The following GRN variants were observed in gnomAD, a reference collection of about 807,000 sequenced individuals.
GRN encodes the protein progranulin.
Under a neutral mutation model 66.7 loss-of-function variants are expected in GRN, and 30 were observed. The ratio of observed to expected loss-of-function variants is 0.45; its 90% CI spans 0.34 to 0.61. The LOEUF is 0.61. Among genes scored for constraint, GRN ranks in the 20% least tolerant of loss-of-function variants. The pLI is 0.01. For synonymous variants in GRN, 327 were observed against 311.1 expected (o/e 1.05, Z -0.54); for missense variants, 731 against 803.5 (o/e 0.91, Z 1.09).
intron 1 of GRN, among the ~76,000 whole-genome samples, chr17:44,347,035 T>C (rs1463487456): frequency 4.6e-5 from 7 of 151,792 alleles, no homozygotes; most frequent in Non-Finnish European, 8.8e-5. Flanking sequence ...GAGAATTGCT[T>C]GAACCTGGGA....
chr17:44,349,858 C>T, intron 4 of GRN, 107 bp downstream of exon 4: 2 of 764,136 alleles, frequency 2.6e-6, no homozygotes, highest in Non-Finnish European at 4.6e-6. Context: ...CTTGTGCCCT[C>T]ATTCATGTGG....
Position 44,350,547 on chromosome 17 carries a change from A to C in GRN, c.568A>C (p.Lys190Gln), listed in dbSNP as rs768727709. The C allele has an allele frequency of 1.5e-5, 25 of 1,613,890 alleles. No individual in the cohort carries two copies. Among genetic ancestry groups the C allele is most frequent in the Non-Finnish European group, 1.8e-5 (21 of 1,179,940 alleles). Residue 190 changes from lysine to glutamine, a missense_variant, in exon 6 of 13, where the codon AAG (lysine) becomes CAG (glutamine). Physicochemically the swap from Lys to Gln is moderately conservative, Grantham distance 53 (BLOSUM62 1). Transcript: ENST00000053867. ...CACGGGCACCCACCCCCTGGCAAAG[A>C]AGCTCCCTGCCCAGAGGACTAACAG... The part of the protein sequence containing the change: ...TPTGTHPLAK[K>Q]LPAQRTNRAV...
chr17:44,348,003 A>G (rs1423130227), intron 1 of GRN, among the ~76,000 whole-genome samples: 1 of 151,892 alleles, frequency 6.6e-6, no homozygotes, highest in African/African-American at 2.4e-5. Context: ...TAGGAGGCCA[A>G]GGTTGGAGGA....
chr17:44,349,314 T>C lies in GRN; in HGVS notation c.138+12T>C. The C allele has an allele frequency of 1.9e-6, 3 of 1,613,940 alleles. No individual in the cohort carries two copies. The highest frequency in any genetic ancestry group is 2.5e-6 in the Non-Finnish European group (3 of 1,179,998). On this transcript the variant is annotated intron_variant, in intron 2 of 12. Transcript: ENST00000053867. ...GCCGTCCCCTTCTGGTGAGTGCCCCTCAGCCTAGGCAAGAGCTGGCAGCCT... is the reference window on the plus strand; with the variant it reads ...GCCGTCCCCTTCTGGTGAGTGCCCCCCAGCCTAGGCAAGAGCTGGCAGCCT...
intron 1 of GRN, among the ~76,000 whole-genome samples, chr17:44,348,162 C>T (rs1235453086): frequency 2.6e-5 from 4 of 152,178 alleles, no homozygotes; most frequent in African/African-American, 9.7e-5. Context: ...TTGTAACTGG[C>T]TCCCAAGAGG....
At position 44,352,471 on chromosome 17, in the gene GRN, G is replaced by T. The variant is rs25647; in HGVS notation, c.1544G>T (p.Gly515Val). ...ATFLARSPHVGVKDVECGEGH... is the reference protein window; with the variant it reads ...ATFLARSPHVVVKDVECGEGH... ...TTCCTGGCCCGTAGCCCTCACGTGG[G>T]TGTGAAGGACGTGGAGTGTGGGGAA... Residue 515 changes from glycine to valine, a missense_variant, in exon 12 of 13, where the codon GGT becomes GTT. Gly to Val is a moderately radical substitution (Grantham distance 109). Coordinates refer to ENST00000053867, the MANE Select transcript of GRN (RefSeq NM_002087.4). 1 of 1,613,930 alleles carries T rather than the reference G, an allele frequency of 6.2e-7. No homozygotes were observed. The highest frequency in any genetic ancestry group is 1.3e-5 in the African/African-American group (1 of 74,924).
At chr17:44,350,827 G>C in intron 7 of GRN, 27 bp downstream of exon 7, 1 of 1,564,096 alleles carries the variant, frequency 6.4e-7, no homozygotes, top group Non-Finnish European at 8.8e-7. Flanking sequence ...AGCCAGCTTG[G>C]CTGTGTGCCC....
chr17:44,350,639 A>G, intron 6 of GRN, 52 bp from the exon 7 acceptor site: 3 of 1,611,682 alleles, frequency 1.9e-6, no homozygotes, highest in Non-Finnish European at 2.5e-6. Flanking sequence ...CTCCAAGTGT[A>G]GGAAAAAGTT....
intron 1 of GRN, among the ~76,000 whole-genome samples, chr17:44,347,379 C>T (rs950853379): frequency 1.3e-5 from 2 of 152,018 alleles, no homozygotes; most frequent in African/African-American, 4.8e-5. Context: ...ACCTCCACCT[C>T]CTGGGCTCAA....
Position 44,352,153 on chromosome 17 carries a change from A to G in GRN, c.1318A>G (p.Arg440Gly). 1 of 1,613,774 alleles carries G rather than the reference A, an allele frequency of 6.2e-7. No homozygotes were observed. Among genetic ancestry groups the G allele is most frequent in the African/African-American group, 1.3e-5 (1 of 75,036 alleles). The change falls in exon 11 of 13, where the codon AGA (arginine) becomes GGA (glycine). Residue 440 changes from arginine (R) to glycine (G), a missense_variant. Coordinates refer to ENST00000053867, the MANE Select transcript of GRN (RefSeq NM_002087.4). ...PARRASLSHP[R>G]DIGCDQHTSC... ...CCGCCGGGCTTCCTTATCCCACCCC[A>G]GAGACATCGGCTGTGACCAGCACAC... is the stretch of plus-strand genomic sequence containing the variant.
Position 44,352,657 on chromosome 17 carries a change from C to G in GRN, c.1645-4C>G, listed in dbSNP as rs770775138. The stretch of plus-strand genomic sequence containing the variant: ...AACCCTCTCGCCCCCCTCTGACCAT[C>G]CAGGGCGTCTGTTGTGCTGATCGGC... On this transcript the variant is annotated splice_region_variant and splice_polypyrimidine_tract_variant and intron_variant, in intron 12 of 12. Coordinates refer to ENST00000053867, the MANE Select transcript of GRN (RefSeq NM_002087.4). 1 of 1,609,990 alleles carries G rather than the reference C, an allele frequency of 6.2e-7. No individual in the cohort carries two copies. The highest frequency in any genetic ancestry group is 1.7e-5 in the Admixed American group (1 of 60,030).
Position 44,351,314 on chromosome 17 carries a change from G to C in GRN, c.836-49G>C. ...GAGCCGGCAAAGGGTTGATACCCCT[G>C]AGGGTCCCCAGTGCCACTTCTGACC... On this transcript the variant is annotated intron_variant, in intron 8 of 12. Transcript: ENST00000053867. 1.9e-6 allele frequency: 3 copies of C among 1,541,692 alleles called. No homozygotes were observed. In the African/African-American group the frequency reaches 4.1e-5, roughly 21 times the overall value.
intron 1 of GRN, among the ~76,000 whole-genome samples, chr17:44,347,946 G>A (rs1010544319): frequency 3.8e-4 from 16 of 42,610 alleles, no homozygotes; most frequent in Non-Finnish European, 5.0e-4. Flanking sequence ...AAAAAAAAAG[G>A]GGGTGAGCAG....
At position 44,350,486 on chromosome 17, in the gene GRN, C is replaced by G. The variant is rs113426443; in HGVS notation, c.507C>G (p.Ala169=). 7.4e-5 allele frequency: 120 copies of G among 1,613,960 alleles called. 5 individuals carry two copies. The African/African-American group carries it at 9.6e-4, about 13-fold the overall frequency. ...GGGTGCACTGCTGTCCGCACGGTGCCTTCTGCGACCTGGTTCACACCCGCT... is the reference window on the plus strand; with the variant it reads ...GGGTGCACTGCTGTCCGCACGGTGCGTTCTGCGACCTGGTTCACACCCGCT... ...EDRVHCCPHG[A]FCDLVHTRCI... is the part of the protein sequence containing the mutation. Residue 169 remains alanine, a synonymous_variant, in exon 6 of 13, where the codon GCC becomes GCG. Coordinates refer to ENST00000053867, the MANE Select transcript of GRN (RefSeq NM_002087.4).
chr17:44,347,684 G>T (rs1385152258), intron 1 of GRN, among the ~76,000 whole-genome samples: 1 of 151,374 alleles, frequency 6.6e-6, no homozygotes, highest in African/African-American at 2.4e-5. Context: ...GGGTGTGGTG[G>T]TTCAAGCCTG....
rs1598363895 is a variant in GRN at position 44,350,675 on chromosome 17, T to G, written c.599-16T>G. The G allele has an allele frequency of 6.2e-7, 1 of 1,612,838 alleles. No individual in the cohort carries two copies. The highest frequency in any genetic ancestry group is 8.5e-7 in the Non-Finnish European group (1 of 1,178,976). ...TCCTCCATCCTGGCTGCCCCTCACGTTTGCTCCTCTTCCAGTGGCCTTGTC... is the reference window on the plus strand; with the variant it reads ...TCCTCCATCCTGGCTGCCCCTCACGGTTGCTCCTCTTCCAGTGGCCTTGTC... On this transcript the variant is annotated splice_polypyrimidine_tract_variant and intron_variant, in intron 6 of 12. Coordinates refer to ENST00000053867, the MANE Select transcript of GRN (RefSeq NM_002087.4).
At position 44,351,052 on chromosome 17, in the gene GRN, G is replaced by A. The variant is rs1302545748; in HGVS notation, c.724G>A (p.Asp242Asn). Residue 242 changes from aspartate to asparagine, a missense_variant, in exon 8 of 13, where the codon GAT becomes AAT. Asp to Asn is a conservative substitution (Grantham distance 23). Around this residue, in one of 3 missense-constraint regions of GRN, gnomAD observed 370 missense variants for 379.8 expected, o/e 0.97. Coordinates refer to ENST00000053867, the MANE Select transcript of GRN (RefSeq NM_002087.4). The stretch of plus-strand genomic sequence containing the variant: ...CCCCACTCAGGCCACCTGCTGCTCC[G>A]ATCACCTGCACTGCTGCCCCCAAGA... ...CPMPNATCCS[D>N]HLHCCPQDTV... The A allele has an allele frequency of 3.7e-6, 6 of 1,613,752 alleles. No homozygotes were observed. The highest frequency in any genetic ancestry group is 1.1e-5 in the South Asian group (1 of 91,086).
In GRN at chr17:44,350,532, C is replaced by T. The variant is rs372028020; in HGVS notation, c.553C>T (p.His185Tyr). 4 of 1,613,866 alleles carry T rather than the reference C, an allele frequency of 2.5e-6. No homozygotes were observed. The African/African-American group carries it at 5.3e-5, about 22-fold the overall frequency. Residue 185 changes from histidine to tyrosine, a missense_variant, in exon 6 of 13, where the codon CAC (histidine) becomes TAC (tyrosine). Coordinates refer to ENST00000053867, the MANE Select transcript of GRN (RefSeq NM_002087.4). ...HTRCITPTGT[H>Y]PLAKKLPAQR... The stretch of plus-strand genomic sequence containing the variant: ...CCGCTGCATCACACCCACGGGCACC[C>T]ACCCCCTGGCAAAGAAGCTCCCTGC...
chr17:44,353,044 A>C lies in GRN; in HGVS notation c.*246A>C. On this transcript the variant is annotated 3_prime_UTR_variant, in exon 13 of 13. Coordinates refer to ENST00000053867, the MANE Select transcript of GRN (RefSeq NM_002087.4). ...ACCCTGTGGCCAGGTGCTTTTCCCTATCCACAGGGGTGTTTGTGTGTGTGC... is the reference window on the plus strand; with the variant it reads ...ACCCTGTGGCCAGGTGCTTTTCCCTCTCCACAGGGGTGTTTGTGTGTGTGC... 1.7e-6 allele frequency: 1 copy of C among 595,036 alleles called. No homozygotes were observed. Among genetic ancestry groups the C allele is most frequent in the Non-Finnish European group, 3.0e-6 (1 of 333,152 alleles). The allele number at this position is 595,036 out of a possible 1,614,324, so 36.9% of individuals were successfully genotyped here.
Sources: allele counts gnomAD v4.1 joint callset (sites outside exome capture counted in the v4.1 genomes callset), GRCh38; gene constraint gnomAD v4.1.1; regional missense constraint gnomAD v4.1.1; transcripts MANE v1.5; gene names NCBI Gene and HGNC (gene_info 2026-07-23, HGNC 2026-07-21).